Variants in PSPC1 observed in about 807,000 individuals in gnomAD.
PSPC1 encodes paraspeckle protein 1.
In PSPC1, 14 loss-of-function variants were observed where a neutral mutation model predicts 51.6. The observed-to-expected ratio is 0.27, with a 90% CI of 0.18 to 0.42. The LOEUF is 0.42. PSPC1 is among the 10% of genes least tolerant of loss of function. PSPC1 has a pLI of 1.00. For missense variants in PSPC1, 406 were observed against 701.1 expected (o/e 0.58, Z 4.75); for synonymous variants, 193 against 231.9 (o/e 0.83, Z 1.53).
chr13:19,728,277 A>G (rs138802012), intron 6 of PSPC1, among the ~76,000 whole-genome samples: 1 of 152,260 alleles, frequency 6.6e-6, no homozygotes, highest in East Asian at 1.9e-4. Context: ...GAATATTTCT[A>G]TTAGGAAGGC....
At chr13:19,760,448 A>T (rs1887509609) in intron 2 of PSPC1, among the ~76,000 whole-genome samples, 1 of 151,576 alleles carries the variant, frequency 6.6e-6, no homozygotes, top group Non-Finnish European at 1.5e-5. Flanking sequence ...GAATCGCCTG[A>T]ACTCAGGAGG....
chr13:19,702,670 CA>C lies in PSPC1; in HGVS notation c.*504del, dbSNP rs1880063542. ...TACAAATTAAACTCCCATACCCTCC[CA>C]CCCCCACATATACTACTCTATCTAC... On this transcript the variant is annotated 3_prime_UTR_variant, in exon 9 of 9. Coordinates refer to ENST00000338910, the MANE Select transcript of PSPC1 (RefSeq NM_001354909.2). 1.3e-5 allele frequency: 2 copies of C among 153,066 alleles called. No individual in the cohort carries two copies. The highest frequency in any genetic ancestry group is 4.1e-4 in the South Asian group (2 of 4,902). 9.5% of individuals were successfully genotyped at this position (153,066 alleles called of 1,614,324 possible). A position where few individuals can be genotyped will look rare whatever the true frequency, so the allele number is the denominator to read the frequency against.
At chr13:19,735,864 C>G (rs1566009144) in intron 5 of PSPC1, among the ~76,000 whole-genome samples, 1 of 152,078 alleles carries the variant, frequency 6.6e-6, no homozygotes, top group Non-Finnish European at 1.5e-5. Context: ...CTCTGTCACC[C>G]AGGCTGGAGT....
At chr13:19,746,583 G>A (rs891562123) in intron 4 of PSPC1, among the ~76,000 whole-genome samples, 1 of 151,458 alleles carries the variant, frequency 6.6e-6, no homozygotes, top group Admixed American at 6.6e-5. Flanking sequence ...AAATTAGCCG[G>A]GTATGGTGGC....
At chr13:19,671,356 T>A, downstream of PSPC1, 2 of 1,442,026 alleles carry the variant, frequency 1.4e-6, no homozygotes, top group South Asian at 1.2e-5. Flanking sequence ...TTTATCAACA[T>A]TAGAAAAAAA....
At chr13:19,749,623 A>G (rs1566025113) in intron 4 of PSPC1, among the ~76,000 whole-genome samples, 2 of 145,294 alleles carry the variant, frequency 1.4e-5, no homozygotes, top group Non-Finnish European at 1.5e-5. Flanking sequence ...TCCACAAAAT[A>G]AAAGACAGTT....
In PSPC1 at chr13:19,779,800, G is replaced by A. The variant is rs867511430; in HGVS notation, c.372+2586C>T. On this transcript the variant is annotated intron_variant, in intron 1 of 8. Coordinates refer to ENST00000338910, the MANE Select transcript of PSPC1 (RefSeq NM_001354909.2). ...AGGTGAGGGGCGCCTCTGCCCGGCCGCCCCTACTGGGAAGTGAGGAGCCCC... is the reference window on the plus strand; with the variant it reads ...AGGTGAGGGGCGCCTCTGCCCGGCCACCCCTACTGGGAAGTGAGGAGCCCC... 1.1e-3 allele frequency among the ~76,000 whole-genome samples: 79 copies of A among 69,200 alleles called. 1 individual carries two copies. The highest frequency in any genetic ancestry group is 5.8e-3 in the Admixed American group (47 of 8,036). The allele number at this position is 69,200 out of a possible 152,430, so 45.4% of individuals were successfully genotyped here. A position where few individuals can be genotyped will look rare whatever the true frequency, so the allele number is the denominator to read the frequency against.
At chr13:19,735,327 G>C (rs1252447348) in intron 5 of PSPC1, among the ~76,000 whole-genome samples, 1 of 151,984 alleles carries the variant, frequency 6.6e-6, no homozygotes, top group Non-Finnish European at 1.5e-5. Flanking sequence ...ACAAACCAAA[G>C]AAACGAAGTG....
intron 6 of PSPC1, among the ~76,000 whole-genome samples, chr13:19,714,498 T>C (rs538832371): frequency 6.7e-6 from 1 of 150,270 alleles, no homozygotes; most frequent in Non-Finnish European, 1.5e-5. Context: ...CGGATTTCTT[T>C]TTTTTTTTTT....
intron 1 of PSPC1, among the ~76,000 whole-genome samples, chr13:19,774,007 T>C (rs1566055702): frequency 2.0e-5 from 3 of 152,284 alleles, no homozygotes; most frequent in African/African-American, 7.2e-5. Flanking sequence ...GTTACACATT[T>C]CTCACTATTA....
chr13:19,774,795 ACT>A (rs1258007437), intron 1 of PSPC1, among the ~76,000 whole-genome samples: 6 of 146,164 alleles, frequency 4.1e-5, no homozygotes, highest in African/African-American at 1.3e-4. Context: ...TCAGGGACAG[ACT>A]CTGTGTCCAA....
chr13:19,674,157 T>G (rs999041407), downstream of PSPC1, among the ~76,000 whole-genome samples: 26 of 152,308 alleles, frequency 1.7e-4, no homozygotes, highest in African/African-American at 5.8e-4. Flanking sequence ...AAGGACAACA[T>G]AACTTGGCTA....
chr13:19,673,088 G>T (rs3210772), downstream of PSPC1: 11,311 of 292,166 alleles, frequency 0.039, 228 homozygotes, highest in Middle Eastern at 0.065. Context: ...AACCTATACG[G>T]TTTTTTTTTG....
intron 6 of PSPC1, among the ~76,000 whole-genome samples, chr13:19,724,872 G>A (rs1383677531): frequency 2.0e-5 from 3 of 152,122 alleles, no homozygotes; most frequent in African/African-American, 4.8e-5. Flanking sequence ...GGTGGCGCAC[G>A]CCTGTAGTCC....
At chr13:19,686,454 A>C (rs1265306453) in intron 6 of PSPC1, among the ~76,000 whole-genome samples, 9 of 151,720 alleles carry the variant, frequency 5.9e-5, no homozygotes, top group Non-Finnish European at 8.8e-5. Flanking sequence ...AAGTGATCAC[A>C]AAAAAAAATT....
chr13:19,770,488 C>T (rs1295394538), intron 2 of PSPC1, among the ~76,000 whole-genome samples: 4 of 151,842 alleles, frequency 2.6e-5, no homozygotes, highest in South Asian at 2.1e-4. Context: ...GGTGAAACCC[C>T]GTCTCTACAA....
downstream of PSPC1, among the ~76,000 whole-genome samples, chr13:19,700,811 T>C (rs929567428): frequency 2.6e-5 from 4 of 152,164 alleles, no homozygotes; most frequent in Admixed American, 1.3e-4. Flanking sequence ...TCACACTTAC[T>C]TAGAAAGCTA....
chr13:19,765,891 ATAT>A (rs1888022383), intron 2 of PSPC1, among the ~76,000 whole-genome samples: 1 of 152,226 alleles, frequency 6.6e-6, no homozygotes, highest in African/African-American at 2.4e-5. Flanking sequence ...GGCAATGGAA[ATAT>A]TATAATGTTT....
At chr13:19,695,329 T>C (rs1304639329) in intron 6 of PSPC1, among the ~76,000 whole-genome samples, 2 of 152,220 alleles carry the variant, frequency 1.3e-5, no homozygotes, top group Non-Finnish European at 2.9e-5. Context: ...AAGTACATTC[T>C]ATTGCAAAGC....
Sources: allele counts gnomAD v4.1 joint callset (sites outside exome capture counted in the v4.1 genomes callset), GRCh38; gene constraint gnomAD v4.1.1; transcripts MANE v1.5; gene names NCBI Gene and HGNC (gene_info 2026-07-23, HGNC 2026-07-21).